The following NDFIP1 variants were observed in gnomAD, a reference collection of about 807,000 sequenced individuals.
The protein encoded by NDFIP1 is NEDD4 family-interacting protein 1.
Under a neutral mutation model 28.8 loss-of-function variants are expected in NDFIP1, and 7 were observed. That is an observed-to-expected ratio of 0.24 (90% CI 0.14 to 0.46). NDFIP1 has a LOEUF of 0.46. Among genes scored for constraint, NDFIP1 ranks in the 20% least tolerant of loss-of-function variants. NDFIP1 has a pLI of 0.99. For synonymous variants in NDFIP1, 92 were observed against 101.0 expected (o/e 0.91, Z 0.53); for missense variants, 194 against 269.1 (o/e 0.72, Z 1.95).
intron 1 of NDFIP1, among the ~76,000 whole-genome samples, chr5:142,114,132 T>C (rs1757041577): frequency 6.6e-6 from 1 of 152,246 alleles, no homozygotes; most frequent in South Asian, 2.1e-4. Context: ...ACTCCCATAC[T>C]GTTTTCCATG....
chr5:142,113,494 G>A (rs977415687), intron 1 of NDFIP1, among the ~76,000 whole-genome samples: 1 of 152,154 alleles, frequency 6.6e-6, no homozygotes, highest in Non-Finnish European at 1.5e-5. Context: ...CATGGTCAGT[G>A]ATCAAAGAAA....
At chr5:142,124,998 T>G (rs1757156926) in intron 1 of NDFIP1, among the ~76,000 whole-genome samples, 1 of 152,174 alleles carries the variant, frequency 6.6e-6, no homozygotes. Flanking sequence ...GCTAATTTTT[T>G]TGTATTTTTA....
chr5:142,111,640 C>G (rs1757015278), intron 1 of NDFIP1, among the ~76,000 whole-genome samples: 1 of 152,204 alleles, frequency 6.6e-6, no homozygotes, highest in African/African-American at 2.4e-5. Flanking sequence ...AGCTAGTTTT[C>G]TCACCAAGTA....
chr5:142,111,079 C>T (rs1034687650), intron 1 of NDFIP1, among the ~76,000 whole-genome samples: 1 of 151,620 alleles, frequency 6.6e-6, no homozygotes, highest in Admixed American at 6.6e-5. Context: ...TCTTATGTAC[C>T]CATATATACG....
intron 1 of NDFIP1, among the ~76,000 whole-genome samples, chr5:142,124,406 A>G (rs1757150304): frequency 6.6e-6 from 1 of 152,204 alleles, no homozygotes; most frequent in Non-Finnish European, 1.5e-5. Flanking sequence ...GAAGAAAACC[A>G]TAAAATTGAT....
intron 1 of NDFIP1, among the ~76,000 whole-genome samples, chr5:142,111,159 C>T (rs554456102): frequency 6.6e-6 from 1 of 151,622 alleles, no homozygotes; most frequent in African/African-American, 2.4e-5. Context: ...CATACTTTTG[C>T]ACGTGTCCAT....
chr5:142,120,314 A>G (rs1386736618), intron 1 of NDFIP1, among the ~76,000 whole-genome samples: 2 of 152,060 alleles, frequency 1.3e-5, no homozygotes, highest in South Asian at 2.1e-4. Context: ...AACATGCCCA[A>G]TCTCGTCTGT....
intron 1 of NDFIP1, among the ~76,000 whole-genome samples, chr5:142,114,410 T>C (rs944477500): frequency 6.6e-6 from 1 of 152,114 alleles, no homozygotes; most frequent in African/African-American, 2.4e-5. Flanking sequence ...TTGAATTGAG[T>C]TTTTTGTTGT....
intron 7 of NDFIP1, among the ~76,000 whole-genome samples, chr5:142,147,905 A>G (rs1561605780): frequency 6.6e-6 from 1 of 152,206 alleles, no homozygotes; most frequent in Non-Finnish European, 1.5e-5. Flanking sequence ...GCAAGTAGAA[A>G]GCTGGGAATG....
At chr5:142,140,063 A>G (rs988565761) in intron 5 of NDFIP1, among the ~76,000 whole-genome samples, 1 of 152,220 alleles carries the variant, frequency 6.6e-6, no homozygotes, top group African/African-American at 2.4e-5. Flanking sequence ...ATAGATTTGC[A>G]TTTATTGTAA....
chr5:142,151,090 T>C (rs1757442731), intron 7 of NDFIP1, among the ~76,000 whole-genome samples: 1 of 152,000 alleles, frequency 6.6e-6, no homozygotes, highest in Non-Finnish European at 1.5e-5. Context: ...AGAGCATTTA[T>C]TTCAGTCAGA....
intron 7 of NDFIP1, among the ~76,000 whole-genome samples, chr5:142,151,411 C>G (rs900184256): frequency 6.6e-6 from 1 of 152,184 alleles, no homozygotes; most frequent in Non-Finnish European, 1.5e-5. Context: ...TCATTGCTGA[C>G]AGCGTTCAGT....
intron 1 of NDFIP1, among the ~76,000 whole-genome samples, chr5:142,117,837 C>T (rs895345879): frequency 2.0e-5 from 3 of 150,118 alleles, no homozygotes; most frequent in African/African-American, 7.4e-5. Flanking sequence ...TCTTCTTAAC[C>T]TTTCCTTGGC....
At chr5:142,128,927 G>C (rs1757198283) in intron 1 of NDFIP1, among the ~76,000 whole-genome samples, 1 of 152,082 alleles carries the variant, frequency 6.6e-6, no homozygotes, top group Non-Finnish European at 1.5e-5. Context: ...CAAGTTTCCA[G>C]GAGACAGGCA....
chr5:142,126,182 T>C (rs558129664), intron 1 of NDFIP1, among the ~76,000 whole-genome samples: 8 of 152,288 alleles, frequency 5.3e-5, no homozygotes, highest in African/African-American at 1.9e-4. Flanking sequence ...CCAAAAGAAA[T>C]GTGCTTGTTT....
intron 7 of NDFIP1, among the ~76,000 whole-genome samples, chr5:142,151,383 C>G (rs1038757009): frequency 5.9e-5 from 9 of 152,300 alleles, no homozygotes; most frequent in South Asian, 2.1e-4. Context: ...GGATTATGCT[C>G]TCTGTCCCAA....
intron 1 of NDFIP1, among the ~76,000 whole-genome samples, chr5:142,111,122 G>C (rs968643428): frequency 6.6e-6 from 1 of 151,672 alleles, no homozygotes; most frequent in Non-Finnish European, 1.5e-5. Flanking sequence ...TTTGTGTGCA[G>C]TTTTATGAGC....
In NDFIP1 at chr5:142,114,898, C is replaced by A. The variant is rs190075735; in HGVS notation, c.63+5861C>A. 2.1e-3 allele frequency among the ~76,000 whole-genome samples: 313 copies of A among 152,270 alleles called. 3 individuals are homozygous for A. Among genetic ancestry groups the A allele is most frequent in the African/African-American group, 7.0e-3 (289 of 41,564 alleles). ...ATCCCATGGGTGACCACTTGTTAGG[C>A]AAGATTTATTTGGCTTAATCATACT... On this transcript the variant is annotated intron_variant, in intron 1 of 7. Coordinates refer to ENST00000253814, the MANE Select transcript of NDFIP1 (RefSeq NM_030571.4).
intron 1 of NDFIP1, among the ~76,000 whole-genome samples, chr5:142,130,311 T>C (rs1487321250): frequency 6.6e-6 from 1 of 152,212 alleles, no homozygotes; most frequent in African/African-American, 2.4e-5. Context: ...CAGTGCGAGT[T>C]ATTTTAAAAA....
Sources: gnomAD v4.1 joint callset for allele counts (sites outside exome capture counted in the v4.1 genomes callset) on GRCh38, gnomAD v4.1.1 for gene constraint, MANE v1.5 for transcripts, NCBI Gene and HGNC (gene_info 2026-07-23, HGNC 2026-07-21) for gene names.